Variants in KCNH7 observed in about 807,000 individuals in gnomAD.
KCNH7 encodes voltage-gated inwardly rectifying potassium channel KCNH7.
A neutral mutation model predicts 120.8 loss-of-function variants in KCNH7; 49 were observed. The observed-to-expected ratio is 0.41, with a 90% confidence interval of 0.32 to 0.51. The LOEUF (loss-of-function observed/expected upper bound fraction) is 0.51. Ranked by LOEUF, KCNH7 falls within the 20% of genes least tolerant of loss-of-function variation. KCNH7 has a pLI of 0.38. For missense variants in KCNH7, 1,097 were observed against 1,446.6 expected (o/e 0.76, Z 3.92); for synonymous variants, 547 against 516.1 (o/e 1.06, Z -0.81).
chr2:162,499,885 G>T (rs1178749472), intron 6 of KCNH7, among the ~76,000 whole-genome samples: 2 of 151,974 alleles, frequency 1.3e-5, no homozygotes, highest in East Asian at 1.9e-4. Context: ...CCTTCAAAAC[G>T]CACTTAAGGG....
intron 6 of KCNH7, among the ~76,000 whole-genome samples, chr2:162,470,800 G>T (rs1689496934): frequency 6.6e-6 from 1 of 152,262 alleles, no homozygotes; most frequent in African/African-American, 2.4e-5. Flanking sequence ...TTGTGGAATA[G>T]AGGAGGGGGA....
At chr2:162,527,024 C>T (rs1456859789) in intron 3 of KCNH7, among the ~76,000 whole-genome samples, 3 of 151,946 alleles carry the variant, frequency 2.0e-5, no homozygotes, top group Non-Finnish European at 4.4e-5. Flanking sequence ...TGGCTTCAGC[C>T]GGTCCCTCCG....
At chr2:162,641,436 G>A (rs577872987) in intron 2 of KCNH7, among the ~76,000 whole-genome samples, 1 of 152,272 alleles carries the variant, frequency 6.6e-6, no homozygotes, top group African/African-American at 2.4e-5. Context: ...TAGGCCAGGT[G>A]GCATGGCTCA....
chr2:162,404,137 A>G (rs778564536), intron 9 of KCNH7, among the ~76,000 whole-genome samples: 9 of 151,946 alleles, frequency 5.9e-5, no homozygotes, highest in Non-Finnish European at 1.2e-4. Context: ...CTGGCTACAA[A>G]GAGTTGCTAT....
At chr2:162,722,681 T>C (rs1255783552) in intron 2 of KCNH7, among the ~76,000 whole-genome samples, 1 of 152,158 alleles carries the variant, frequency 6.6e-6, no homozygotes, top group African/African-American at 2.4e-5. Context: ...TTTTTTTGAA[T>C]AAGTTTTTGG....
At chr2:162,471,422 G>A (rs1230329059) in intron 6 of KCNH7, among the ~76,000 whole-genome samples, 2 of 152,126 alleles carry the variant, frequency 1.3e-5, no homozygotes, top group Admixed American at 1.3e-4. Context: ...TTGTGCTTGT[G>A]TGTGTGTATA....
chr2:162,545,621 T>A (rs1057419323), intron 2 of KCNH7, among the ~76,000 whole-genome samples: 19 of 152,192 alleles, frequency 1.2e-4, no homozygotes, highest in Admixed American at 2.6e-4. Context: ...TGATTACATA[T>A]CTTGAAGCAA....
chr2:162,719,562 G>T (rs551893933), intron 2 of KCNH7, among the ~76,000 whole-genome samples: 2 of 151,896 alleles, frequency 1.3e-5, no homozygotes, highest in Non-Finnish European at 2.9e-5. Context: ...GTTTTAGTGA[G>T]AAATATTTTA....
chr2:162,518,045 C>A lies in KCNH7; in HGVS notation c.577G>T (p.Asp193Tyr). 1 of 1,612,468 alleles carries A rather than the reference C, an allele frequency of 6.2e-7. No individual in the cohort carries two copies. Among genetic ancestry groups the A allele is most frequent in the Non-Finnish European group, 8.5e-7 (1 of 1,178,930 alleles). The change falls in exon 4 of 16, where the codon GAT becomes TAT. Residue 193 changes from aspartate (D) to tyrosine (Y), a missense_variant. By Grantham distance (160) the Asp-to-Tyr change is radical (BLOSUM62 -3). Around this residue, in one of 8 missense-constraint regions of KCNH7, gnomAD observed 362 missense variants for 372.2 expected, o/e 0.97. Transcript: ENST00000332142. Reference sequence around the variant, plus strand: ...TTAAAATGCTTCATGGCTACTGAATCATCACTGTGTTTAGATGAATCGATG... The same window carrying A: ...TTAAAATGCTTCATGGCTACTGAATAATCACTGTGTTTAGATGAATCGATG... ...VVIDSSKHSD[D>Y]SVAMKHFKSP...
intron 2 of KCNH7, among the ~76,000 whole-genome samples, chr2:162,666,366 G>A (rs767548912): frequency 9.0e-6 from 1 of 110,910 alleles, no homozygotes; most frequent in South Asian, 2.9e-4. Flanking sequence ...TCTGCCCCCC[G>A]CCCCTCCCCA....
intron 2 of KCNH7, among the ~76,000 whole-genome samples, chr2:162,777,730 T>C (rs1559129078): frequency 6.6e-6 from 1 of 152,126 alleles, no homozygotes; most frequent in Non-Finnish European, 1.5e-5. Flanking sequence ...ACCAACAGCC[T>C]TATGGCAAGT....
chr2:162,536,162 C>T (rs1021144404), intron 3 of KCNH7, among the ~76,000 whole-genome samples: 5 of 151,770 alleles, frequency 3.3e-5, no homozygotes, highest in Admixed American at 6.6e-5. Context: ...AATTTAGACA[C>T]ATTACCAAAA....
rs1559114097 is a variant in KCNH7, at chr2:162,748,991, T to TTCCTTCCTTCC, written c.307+87545_307+87546insGGAAGGAAGGA. Among the ~76,000 whole-genome samples, 81 of 84,936 alleles carry TTCCTTCCTTCC rather than the reference T, an allele frequency of 9.5e-4. 12 individuals are homozygous for TTCCTTCCTTCC. The highest frequency in any genetic ancestry group is 3.8e-3 in the African/African-American group (64 of 16,640). The allele number at this position is 84,936 out of a possible 152,430, so 55.7% of individuals were successfully genotyped here. A position where few individuals can be genotyped will look rare whatever the true frequency, so the allele number is the denominator to read the frequency against. ...CCTTCCTTCCTTCCTTCCTTCCTTC[T>TTCCTTCCTTCC]TTCCTCTCTTTTGCACTGAAAAGCA... On this transcript the variant is annotated intron_variant, in intron 2 of 15. Transcript: ENST00000332142.
Position 162,406,712 on chromosome 2 carries a change from T to C in KCNH7, c.2155-6271A>G, listed in dbSNP as rs536717814. Among the ~76,000 whole-genome samples, 18 of 152,140 alleles carry C rather than the reference T, an allele frequency of 1.2e-4. No homozygotes were observed. The South Asian group carries it at 3.7e-3, about 32-fold the overall frequency. ...AATATTTTATAGCCTTTCCTGATTC[T>C]GGTAAAATTATTGTTTTCAATGTAA... On this transcript the variant is annotated intron_variant, in intron 9 of 15. Transcript: ENST00000332142.
chr2:162,543,449 T>TA (rs1362875882), intron 2 of KCNH7, among the ~76,000 whole-genome samples: 1 of 152,130 alleles, frequency 6.6e-6, no homozygotes, highest in Non-Finnish European at 1.5e-5. Flanking sequence ...ACCTGTCATT[T>TA]AAAAATGAAG....
chr2:162,751,566 T>A (rs544451999), intron 2 of KCNH7, among the ~76,000 whole-genome samples: 1 of 149,564 alleles, frequency 6.7e-6, no homozygotes, highest in Non-Finnish European at 1.5e-5. Context: ...TAAAAAGAAT[T>A]TTTTACAAAT....
chr2:162,530,489 C>T (rs1019462781), intron 3 of KCNH7, among the ~76,000 whole-genome samples: 2 of 152,000 alleles, frequency 1.3e-5, no homozygotes, highest in Admixed American at 1.3e-4. Flanking sequence ...CACACACACA[C>T]ACACAATTAC....
chr2:162,729,304 T>G (rs1687638560), intron 2 of KCNH7, among the ~76,000 whole-genome samples: 1 of 152,096 alleles, frequency 6.6e-6, no homozygotes, highest in Non-Finnish European at 1.5e-5. Context: ...TAGCTGGGAC[T>G]ACAGGCGCCC....
chr2:162,560,082 A>G (rs1693009211), intron 2 of KCNH7, among the ~76,000 whole-genome samples: 1 of 152,230 alleles, frequency 6.6e-6, no homozygotes, highest in Non-Finnish European at 1.5e-5. Flanking sequence ...ATAAACTTCG[A>G]AAAGTAGAGA....
Sources: gnomAD v4.1 joint callset for allele counts (sites outside exome capture counted in the v4.1 genomes callset) on GRCh38, gnomAD v4.1.1 for gene constraint, gnomAD v4.1.1 regional missense constraint, MANE v1.5 for transcripts, NCBI Gene and HGNC (gene_info 2026-07-23, HGNC 2026-07-21) for gene names.